Variants in ZC3H12B observed in about 807,000 individuals in gnomAD.
ZC3H12B encodes the protein probable ribonuclease ZC3H12B.
Under a neutral mutation model 43.9 loss-of-function variants are expected in ZC3H12B, and 7 were observed. That is an observed-to-expected ratio of 0.16 (90% CI 0.09 to 0.30). The LOEUF is 0.30. Ranked by LOEUF, ZC3H12B falls within the 10% of genes least tolerant of loss-of-function variation. The pLI is 1.00. For synonymous variants in ZC3H12B, 222 were observed against 241.7 expected (o/e 0.92, Z 0.76); for missense variants, 475 against 670.2 (o/e 0.71, Z 3.22).
the ZC3H12B span, among the ~76,000 whole-genome samples, chrX:65,140,015 A>G: frequency 9.0e-6 from 1 of 110,671 alleles, no homozygotes; most frequent in African/African-American, 3.3e-5. Context: ...TTCTCTCTCT[A>G]TAAGACCATG....
rs200439040 is a variant in ZC3H12B at position 65,477,364 on chromosome X, TACACACACACGTGC to T, written n.408-11271_408-11258del. Among the ~76,000 whole-genome samples, 822 of 91,484 alleles carry T rather than the reference TACACACACACGTGC, an allele frequency of 9.0e-3. 31 individuals carry two copies. Among genetic ancestry groups the T allele is most frequent in the Admixed American group, 0.076 (744 of 9,828 alleles). The allele number at this position is 91,484 out of a possible 115,157, so 79.4% of individuals were successfully genotyped here. ...TTACAAGGAGGTTAAACAAGCATTATACACACACACGTGCACACACACACACACACACAACAGGA... is the reference window on the plus strand; with the variant it reads ...TTACAAGGAGGTTAAACAAGCATTATACACACACACACACACACAACAGGA... On this transcript the variant is annotated intron_variant and non_coding_transcript_variant, in intron 3 of 5. Coordinates refer to the ZC3H12B transcript ENST00000617377.
chrX:65,227,605 G>T, the ZC3H12B span, among the ~76,000 whole-genome samples: 1 of 111,305 alleles, frequency 9.0e-6, no homozygotes, highest in Admixed American at 9.6e-5. Context: ...CTGGTTTTTT[G>T]AAAGGATCAA....
the ZC3H12B span, among the ~76,000 whole-genome samples, chrX:65,077,077 T>C: frequency 8.9e-6 from 1 of 112,042 alleles, no homozygotes; most frequent in African/African-American, 3.2e-5. Flanking sequence ...AGGTTTAGAA[T>C]ATAGGTTCTG....
intron 3 of ZC3H12B, among the ~76,000 whole-genome samples, chrX:65,407,536 G>A (rs2066846537): frequency 8.8e-6 from 1 of 113,644 alleles, no homozygotes; most frequent in Admixed American, 9.1e-5. Context: ...TGCGGGAGTC[G>A]CCCCGAAAGC....
chrX:65,107,139 G>A, the ZC3H12B span, among the ~76,000 whole-genome samples: 1 of 111,467 alleles, frequency 9.0e-6, no homozygotes, highest in Non-Finnish European at 1.9e-5. Context: ...CAAAAGTTAG[G>A]AGGTGGTCAG....
the ZC3H12B span, among the ~76,000 whole-genome samples, chrX:65,153,515 C>G: frequency 8.9e-6 from 1 of 112,261 alleles, no homozygotes; most frequent in African/African-American, 3.2e-5. Context: ...AAATGCAAAT[C>G]AAAACCACAA....
chrX:65,356,565 C>T, the ZC3H12B span, among the ~76,000 whole-genome samples: 1 of 111,762 alleles, frequency 8.9e-6, no homozygotes, highest in African/African-American at 3.2e-5. Flanking sequence ...CCTTCATTGA[C>T]TGTATATACC....
At chrX:65,388,738 T>A (rs1216511348) in intron 2 of ZC3H12B, among the ~76,000 whole-genome samples, 1 of 111,664 alleles carries the variant, frequency 9.0e-6, no homozygotes, top group Non-Finnish European at 1.9e-5. Flanking sequence ...GAGTTTCCAG[T>A]TTTTCTGCTC....
the ZC3H12B span, among the ~76,000 whole-genome samples, chrX:65,245,545 A>G: frequency 8.9e-6 from 1 of 112,456 alleles, no homozygotes; most frequent in Non-Finnish European, 1.9e-5. Context: ...ACATATGCAA[A>G]TCAGTAAGTT....
chrX:65,408,725 T>G, intron 3 of ZC3H12B: 1 of 677,310 alleles, frequency 1.5e-6, no homozygotes, highest in Non-Finnish European at 2.2e-6. Context: ...CAAAGTTGTG[T>G]GGATCGCTAA....
chrX:65,292,327 G>A, the ZC3H12B span, among the ~76,000 whole-genome samples: 3 of 112,181 alleles, frequency 2.7e-5, no homozygotes, highest in Non-Finnish European at 5.6e-5. Flanking sequence ...GTCCTTTACA[G>A]GGACATGGAT....
intron 3 of ZC3H12B, among the ~76,000 whole-genome samples, chrX:65,409,556 C>CCACACACACACACA (rs149933064): frequency 1.1e-5 from 1 of 87,661 alleles, no homozygotes; most frequent in African/African-American, 4.1e-5. Context: ...CCTAAAGACT[C>CCACACACACACACA]CACACACACA....
chrX:65,398,631 T>C (rs1407580563), exon 3 of ZC3H12B: 1 of 112,200 alleles, frequency 8.9e-6, no homozygotes, highest in Non-Finnish European at 1.9e-5. Context: ...GTGTGTGCTT[T>C]CCAGTCACCT....
rs1484611792 is a variant in ZC3H12B, at chrX:65,407,959, G to C, written n.407+9255G>C. 4 of 847,823 alleles carry C rather than the reference G, an allele frequency of 4.7e-6. No individual in the cohort carries two copies. In the African/African-American group the frequency reaches 8.1e-5, roughly 17 times the overall value. The allele number at this position is 847,823 out of a possible 1,213,427, so 69.9% of individuals were successfully genotyped here. On this transcript the variant is annotated intron_variant and non_coding_transcript_variant, in intron 3 of 5. Transcript: ENST00000617377. ...CGCCCGGCCTAGCGCGCCTGCGTGC[G>C]TGGCCACCTCGCTCCCCGCTTCTGC...
intron 2 of ZC3H12B, among the ~76,000 whole-genome samples, chrX:65,379,565 G>C (rs965404987): frequency 8.9e-6 from 1 of 112,417 alleles, no homozygotes; most frequent in Non-Finnish European, 1.9e-5. Flanking sequence ...CTCCTCCAAA[G>C]GAACGCAGTT....
the ZC3H12B span, among the ~76,000 whole-genome samples, chrX:65,050,715 T>A: frequency 8.9e-6 from 1 of 111,900 alleles, no homozygotes; most frequent in Non-Finnish European, 1.9e-5. Flanking sequence ...TAATGTGATG[T>A]ATCATATTAA....
At chrX:65,254,018 C>A in the ZC3H12B span, among the ~76,000 whole-genome samples, 2 of 112,210 alleles carry the variant, frequency 1.8e-5, no homozygotes, top group African/African-American at 6.5e-5. Context: ...CCTGCTGCAC[C>A]ACCACTGCCT....
the ZC3H12B span, among the ~76,000 whole-genome samples, chrX:65,268,148 C>A: frequency 9.0e-6 from 1 of 111,658 alleles, no homozygotes; most frequent in Non-Finnish European, 1.9e-5. Flanking sequence ...TATATTTCAA[C>A]AAATTGGATA....
At chrX:65,204,187 A>G in the ZC3H12B span, among the ~76,000 whole-genome samples, 2 of 109,454 alleles carry the variant, frequency 1.8e-5, no homozygotes, top group East Asian at 5.6e-4. Flanking sequence ...ATGAAGCTAA[A>G]AACAGGTATT....
Sources: gnomAD v4.1 joint callset for allele counts (sites outside exome capture counted in the v4.1 genomes callset) on GRCh38, gnomAD v4.1.1 for gene constraint, MANE v1.5 for transcripts, NCBI Gene and HGNC (gene_info 2026-07-23, HGNC 2026-07-21) for gene names.